The following CNTN1 variants were observed in gnomAD, a reference collection of about 807,000 sequenced individuals.
CNTN1 encodes contactin-1.
Under a neutral mutation model 126.4 loss-of-function variants are expected in CNTN1, and 38 were observed. The ratio of observed to expected loss-of-function variants is 0.30; its 90% CI spans 0.23 to 0.39. CNTN1 has a LOEUF of 0.39. CNTN1 is among the 10% of genes least tolerant of loss of function. The pLI is 1.00. For synonymous variants in CNTN1, 413 were observed against 422.6 expected, an observed-to-expected ratio of 0.98 and a Z score of 0.28; for missense variants, 1,009 against 1,248.4, an observed-to-expected ratio of 0.81 and a Z score of 2.89.
intron 20 of CNTN1, among the ~76,000 whole-genome samples, chr12:41,022,265 G>T (rs941077296): frequency 1.3e-5 from 2 of 152,072 alleles, no homozygotes; most frequent in African/African-American, 4.8e-5. Flanking sequence ...TCAGTAAAAA[G>T]TAATCTTTAT....
rs80157322 is a variant in CNTN1 at position 40,891,267 on chromosome 12, C to T, written c.-76-17090C>T. ...ATTTTTGCATATTTTGGATAACACT[C>T]CTTTATCAGATGTTTTCACAAATAT... On this transcript the variant is annotated intron_variant, in intron 1 of 23. Transcript: ENST00000551295. 1.8e-3 allele frequency among the ~76,000 whole-genome samples: 280 copies of T among 152,194 alleles called. 10 individuals carry two copies. In the East Asian group the frequency reaches 0.049, roughly 27 times the overall value.
chr12:40,904,109 C>G (rs537614506), intron 1 of CNTN1, among the ~76,000 whole-genome samples: 47 of 152,254 alleles, frequency 3.1e-4, no homozygotes, highest in African/African-American at 1.1e-3. Flanking sequence ...AGCTCCGCCT[C>G]CTGGGTTCAC....
intron 23 of CNTN1, among the ~76,000 whole-genome samples, chr12:41,040,418 C>T (rs1398818109): frequency 6.6e-6 from 1 of 152,050 alleles, no homozygotes; most frequent in Non-Finnish European, 1.5e-5. Flanking sequence ...TAAACACAGA[C>T]ATAGGATATA....
chr12:40,750,945 G>A (rs1018216095), intron 1 of CNTN1, among the ~76,000 whole-genome samples: 1 of 152,058 alleles, frequency 6.6e-6, no homozygotes, highest in African/African-American at 2.4e-5. Context: ...AACTAGCAGA[G>A]TGAGAAGAAG....
At chr12:40,914,754 T>C (rs989648884) in intron 3 of CNTN1, among the ~76,000 whole-genome samples, 1 of 152,112 alleles carries the variant, frequency 6.6e-6, no homozygotes, top group Non-Finnish European at 1.5e-5. Flanking sequence ...CAAATATAAG[T>C]GGGAGTATTG....
chr12:40,908,280 C>G lies in CNTN1; in HGVS notation c.-76-77C>G, dbSNP rs913009832. 8.6e-6 allele frequency: 5 copies of G among 580,814 alleles called. No individual in the cohort carries two copies. In the Admixed American group the frequency reaches 9.8e-5, roughly 11 times the overall value. The allele number at this position is 580,814 out of a possible 1,614,324, so 36.0% of individuals were successfully genotyped here. A position where few individuals can be genotyped will look rare whatever the true frequency, so the allele number is the denominator to read the frequency against. The stretch of plus-strand genomic sequence containing the variant: ...CAATTTCCTTCCCTTTCTTTCTTCT[C>G]CTCTCCTCCTCTCCCCTTCCTTCCC... On this transcript the variant is annotated intron_variant, in intron 1 of 23. Transcript: ENST00000551295.
intron 1 of CNTN1, among the ~76,000 whole-genome samples, chr12:40,744,781 G>C (rs1938110962): frequency 6.6e-6 from 1 of 152,108 alleles, no homozygotes; most frequent in South Asian, 2.1e-4. Flanking sequence ...GCTAATGATA[G>C]ATTCATAGAT....
intron 1 of CNTN1, among the ~76,000 whole-genome samples, chr12:40,704,889 C>T (rs1448921894): frequency 1.3e-5 from 2 of 152,090 alleles, no homozygotes; most frequent in African/African-American, 4.8e-5. Flanking sequence ...GGAAAAATTG[C>T]CATTGCTACT....
chr12:40,975,294 G>A (rs907804259), intron 15 of CNTN1, among the ~76,000 whole-genome samples: 1 of 150,028 alleles, frequency 6.7e-6, no homozygotes, highest in Non-Finnish European at 1.5e-5. Context: ...TGTCTGTAGT[G>A]CATGATTTAA....
At chr12:40,795,616 T>C (rs1380332254) in intron 1 of CNTN1, among the ~76,000 whole-genome samples, 1 of 152,032 alleles carries the variant, frequency 6.6e-6, no homozygotes, top group Non-Finnish European at 1.5e-5. Flanking sequence ...ATTCTATTGT[T>C]TCTCTTAAAA....
At chr12:40,898,119 A>G (rs968852017) in intron 1 of CNTN1, among the ~76,000 whole-genome samples, 9 of 152,176 alleles carry the variant, frequency 5.9e-5, no homozygotes, top group Non-Finnish European at 1.2e-4. Context: ...AACATATTCA[A>G]CAGATTTTAA....
At chr12:40,898,528 T>G (rs1944493567) in intron 1 of CNTN1, among the ~76,000 whole-genome samples, 1 of 152,084 alleles carries the variant, frequency 6.6e-6, no homozygotes, top group African/African-American at 2.4e-5. Flanking sequence ...TTTAATTGAA[T>G]TGAAGTGAAT....
intron 23 of CNTN1, among the ~76,000 whole-genome samples, chr12:41,058,507 G>A (rs916494202): frequency 5.3e-5 from 8 of 152,188 alleles, no homozygotes; most frequent in Non-Finnish European, 1.2e-4. Context: ...GAATTTCCCA[G>A]AATTCCAAAT....
chr12:40,887,186 C>T (rs1313334425), intron 1 of CNTN1, among the ~76,000 whole-genome samples: 1 of 151,960 alleles, frequency 6.6e-6, no homozygotes, highest in Non-Finnish European at 1.5e-5. Context: ...GATATTGATT[C>T]TTCCTACCCA....
rs779375688 is a variant in CNTN1 at position 40,922,436 on chromosome 12, A to G, written c.400+8A>G. ...CAACCCTGAGCTTTGGATGTAAGTAAACTGTAACTTTTAAAAAAGGGCAAG... is the reference window on the plus strand; with the variant it reads ...CAACCCTGAGCTTTGGATGTAAGTAGACTGTAACTTTTAAAAAAGGGCAAG... On this transcript the variant is annotated splice_region_variant and intron_variant, in intron 5 of 23. Transcript: ENST00000551295. 6.2e-7 allele frequency: 1 copy of G among 1,613,754 alleles called. No homozygotes were observed. The highest frequency in any genetic ancestry group is 1.3e-5 in the African/African-American group (1 of 75,030).
At position 41,070,160 on chromosome 12, in the gene CNTN1, T is replaced by G. The variant is rs1393371936; in HGVS notation, c.*125T>G. On this transcript the variant is annotated 3_prime_UTR_variant, in exon 24 of 24. Transcript: ENST00000551295. ...CCAAATAAATTATACTTTAACAAACTATTCAACTGATTTACAACACACATG... is the reference window on the plus strand; with the variant it reads ...CCAAATAAATTATACTTTAACAAACGATTCAACTGATTTACAACACACATG... 1 of 818,498 alleles carries G rather than the reference T, an allele frequency of 1.2e-6. No homozygotes were observed. The highest frequency in any genetic ancestry group is 1.7e-5 in the African/African-American group (1 of 59,530). 50.7% of individuals were successfully genotyped at this position (818,498 alleles called of 1,614,324 possible).
chr12:40,846,067 A>T (rs529870203), intron 1 of CNTN1, among the ~76,000 whole-genome samples: 27 of 152,330 alleles, frequency 1.8e-4, no homozygotes, highest in African/African-American at 6.5e-4. Flanking sequence ...GTGATAAAAA[A>T]TTACTTCAGC....
At chr12:41,042,001 T>G (rs1239004705) in intron 23 of CNTN1, among the ~76,000 whole-genome samples, 1 of 152,188 alleles carries the variant, frequency 6.6e-6, no homozygotes, top group Non-Finnish European at 1.5e-5. Context: ...CTTTTAATTG[T>G]GATGTTAGGG....
At chr12:40,701,196 A>G (rs1941585616) in intron 1 of CNTN1, among the ~76,000 whole-genome samples, 1 of 152,200 alleles carries the variant, frequency 6.6e-6, no homozygotes, top group African/African-American at 2.4e-5. Context: ...AAATCATTCT[A>G]AATTTGCATA....
Sources: allele counts gnomAD v4.1 joint callset (sites outside exome capture counted in the v4.1 genomes callset), GRCh38; gene constraint gnomAD v4.1.1; transcripts MANE v1.5; gene names NCBI Gene and HGNC (gene_info 2026-07-23, HGNC 2026-07-21).